The following AGBL4 variants were observed in gnomAD, a reference collection of about 807,000 sequenced individuals.
The protein encoded by AGBL4 is AGBL carboxypeptidase 4, also known as cytosolic carboxypeptidase 6.
Under a neutral mutation model 66.4 loss-of-function variants are expected in AGBL4, and 58 were observed. That is an observed-to-expected ratio of 0.87 (90% CI 0.71 to 1.09). The LOEUF is 1.09. Among genes scored for constraint, AGBL4 ranks in the 50% least tolerant of loss-of-function variants. The pLI is 0.00. For missense variants in AGBL4, 579 were observed against 631.0 expected (o/e 0.92, Z 0.88); for synonymous variants, 234 against 222.9 (o/e 1.05, Z -0.44).
chr1:48,794,993 G>C (rs888141964), intron 6 of AGBL4, among the ~76,000 whole-genome samples: 1 of 152,060 alleles, frequency 6.6e-6, no homozygotes, highest in African/African-American at 2.4e-5. Context: ...CCAAAGATCA[G>C]GTTAGAAACC....
intron 2 of AGBL4, among the ~76,000 whole-genome samples, chr1:49,755,400 C>A (rs1338452641): frequency 6.6e-6 from 1 of 152,184 alleles, no homozygotes; most frequent in African/African-American, 2.4e-5. Context: ...GAGTTGGAGT[C>A]AGTTCTAGTT....
intron 3 of AGBL4, among the ~76,000 whole-genome samples, chr1:49,403,821 A>T (rs1335463084): frequency 3.3e-5 from 5 of 151,794 alleles, no homozygotes. Flanking sequence ...CCTACTTTCA[A>T]TTTCTCACCT....
At chr1:48,930,740 A>T (rs2148902404) in intron 5 of AGBL4, among the ~76,000 whole-genome samples, 1 of 152,286 alleles carries the variant, frequency 6.6e-6, no homozygotes, top group South Asian at 2.1e-4. Context: ...TTTTGTCACT[A>T]CCATTTTTTA....
chr1:49,696,662 T>C (rs1415746964), intron 3 of AGBL4, among the ~76,000 whole-genome samples: 3 of 152,050 alleles, frequency 2.0e-5, no homozygotes, highest in African/African-American at 4.8e-5. Flanking sequence ...GTATTATATA[T>C]GCAAATATTT....
intron 3 of AGBL4, among the ~76,000 whole-genome samples, chr1:49,692,592 CCT>C (rs1234826234): frequency 6.6e-6 from 1 of 152,028 alleles, no homozygotes; most frequent in Non-Finnish European, 1.5e-5. Context: ...GTGGCAGGTG[CCT>C]GTGGTCAGAG....
Position 48,716,330 on chromosome 1 carries a change from C to A in AGBL4, c.635-53089G>T, listed in dbSNP as rs140488663. Among the ~76,000 whole-genome samples, 69 of 152,280 alleles carry A rather than the reference C, an allele frequency of 4.5e-4. No individual in the cohort carries two copies. The South Asian group carries it at 0.011, about 25-fold the overall frequency. On this transcript the variant is annotated intron_variant, in intron 6 of 13. Coordinates refer to ENST00000371839, the MANE Select transcript of AGBL4 (RefSeq NM_032785.4). Reference sequence around the variant, plus strand: ...GAATCCAACAGACTTGGATTTGAATCCTGGCTCTGCCCATTATTACCCCAC... The same window carrying A: ...GAATCCAACAGACTTGGATTTGAATACTGGCTCTGCCCATTATTACCCCAC...
At chr1:49,986,408 A>T (rs1316990894) in intron 1 of AGBL4, among the ~76,000 whole-genome samples, 1 of 152,060 alleles carries the variant, frequency 6.6e-6, no homozygotes, top group Non-Finnish European at 1.5e-5. Context: ...GTAATATGCC[A>T]TTCTGTTGAC....
At chr1:49,807,535 T>C (rs1645002878) in intron 2 of AGBL4, among the ~76,000 whole-genome samples, 1 of 152,200 alleles carries the variant, frequency 6.6e-6, no homozygotes, top group African/African-American at 2.4e-5. Context: ...AGAGAGTAAT[T>C]TGCCTTAGAA....
intron 2 of AGBL4, among the ~76,000 whole-genome samples, chr1:49,747,923 C>T (rs922854262): frequency 6.9e-6 from 1 of 143,980 alleles, no homozygotes; most frequent in Admixed American, 7.2e-5. Flanking sequence ...GAAACAGAAC[C>T]AATAAAAGGA....
At chr1:49,060,062 G>A (rs1644376241) in intron 4 of AGBL4, among the ~76,000 whole-genome samples, 1 of 152,138 alleles carries the variant, frequency 6.6e-6, no homozygotes, top group Non-Finnish European at 1.5e-5. Context: ...TTTGAAATGT[G>A]AGAATTTGAG....
At chr1:49,618,024 G>A (rs1056635057) in intron 3 of AGBL4, among the ~76,000 whole-genome samples, 8 of 152,132 alleles carry the variant, frequency 5.3e-5, no homozygotes, top group East Asian at 3.9e-4. Flanking sequence ...CACCCGACAC[G>A]CCCTGGTGTG....
At chr1:49,103,286 C>T (rs1274948682) in intron 4 of AGBL4, among the ~76,000 whole-genome samples, 1 of 152,148 alleles carries the variant, frequency 6.6e-6, no homozygotes, top group Non-Finnish European at 1.5e-5. Flanking sequence ...CCAGGACTCT[C>T]AAGATGATGC....
chr1:49,335,041 T>C (rs533842801), intron 3 of AGBL4, among the ~76,000 whole-genome samples: 1 of 152,324 alleles, frequency 6.6e-6, no homozygotes, highest in Non-Finnish European at 1.5e-5. Context: ...CAGACATATA[T>C]TCAACTGCCT....
intron 1 of AGBL4, among the ~76,000 whole-genome samples, chr1:50,007,945 A>G (rs1661257900): frequency 6.6e-6 from 1 of 152,212 alleles, no homozygotes; most frequent in Admixed American, 6.5e-5. Flanking sequence ...TCATGATCTA[A>G]TGATAAAGGG....
chr1:49,924,322 G>T (rs1183432263), intron 1 of AGBL4, among the ~76,000 whole-genome samples: 2 of 152,154 alleles, frequency 1.3e-5, no homozygotes, highest in Middle Eastern at 6.8e-3. Context: ...AGAGGATCAG[G>T]AAAAATAACT....
chr1:49,994,628 A>T (rs1398918613), intron 1 of AGBL4: 1 of 152,592 alleles, frequency 6.6e-6, no homozygotes, highest in Non-Finnish European at 1.5e-5. Flanking sequence ...GGGAGCTTTT[A>T]AAAAAATTGC....
intron 1 of AGBL4, among the ~76,000 whole-genome samples, chr1:49,959,476 G>C (rs1656940717): frequency 6.6e-6 from 1 of 152,056 alleles, no homozygotes; most frequent in Non-Finnish European, 1.5e-5. Context: ...TGTGAGGGGA[G>C]AGGCAAGAAG....
intron 5 of AGBL4, among the ~76,000 whole-genome samples, chr1:48,982,318 G>T (rs1273282717): frequency 6.6e-6 from 1 of 152,080 alleles, no homozygotes; most frequent in Non-Finnish European, 1.5e-5. Flanking sequence ...TTAACATTAG[G>T]TATATCTCCC....
At chr1:48,635,223 A>C (rs1645649559) in intron 8 of AGBL4, among the ~76,000 whole-genome samples, 1 of 152,222 alleles carries the variant, frequency 6.6e-6, no homozygotes, top group Admixed American at 6.5e-5. Context: ...CAAGTGCTCC[A>C]GTTACATAGG....
Sources: gnomAD v4.1 joint callset for allele counts (sites outside exome capture counted in the v4.1 genomes callset) on GRCh38, gnomAD v4.1.1 for gene constraint, MANE v1.5 for transcripts, NCBI Gene and HGNC (gene_info 2026-07-23, HGNC 2026-07-21) for gene names.